Variants in KIF4A observed in about 807,000 individuals in gnomAD.
KIF4A encodes the protein kinesin family member 4A.
KIF4A carries 7 observed loss-of-function variants against 105.9 expected under a neutral mutation model. The observed-to-expected ratio is 0.07, with a 90% CI of 0.04 to 0.12. KIF4A has a LOEUF of 0.12. KIF4A is among the 10% of genes least tolerant of loss of function. The pLI, the probability that KIF4A is intolerant of heterozygous loss-of-function variation, is 1.00. For synonymous variants in KIF4A, 281 were observed against 331.3 expected (o/e 0.85, Z 1.65); for missense variants, 558 against 929.2 (o/e 0.60, Z 5.19).
At chrX:70,297,970 CATT>C (rs936722562) in intron 4 of KIF4A, among the ~76,000 whole-genome samples, 32 of 111,207 alleles carry the variant, frequency 2.9e-4, no homozygotes, top group African/African-American at 9.8e-4. Flanking sequence ...GGGATTACAT[CATT>C]AAGATTAGCC....
At chrX:70,387,653 C>T (rs1397274346) in intron 20 of KIF4A, among the ~76,000 whole-genome samples, 1 of 111,819 alleles carries the variant, frequency 8.9e-6, no homozygotes, top group Non-Finnish European at 1.9e-5. Context: ...AGATCACCTG[C>T]GGTCAGGAGT....
intron 20 of KIF4A, among the ~76,000 whole-genome samples, chrX:70,392,958 C>CTT (rs760042042): frequency 2.9e-4 from 26 of 90,576 alleles, no homozygotes; most frequent in Non-Finnish European, 5.8e-4. Context: ...CCTCCTGGAT[C>CTT]TTTTTTTTTT....
chrX:70,368,330 G>A (rs1262672827), intron 15 of KIF4A, among the ~76,000 whole-genome samples: 4 of 112,063 alleles, frequency 3.6e-5, no homozygotes, highest in Non-Finnish European at 3.8e-5. Flanking sequence ...TGCTCTGATT[G>A]TTAGAATTTT....
At chrX:70,370,042 A>G (rs921528203) in intron 15 of KIF4A, among the ~76,000 whole-genome samples, 2 of 111,440 alleles carry the variant, frequency 1.8e-5, no homozygotes, top group African/African-American at 3.3e-5. Flanking sequence ...GTACAGTCAT[A>G]TGATGTACAG....
At chrX:70,311,821 C>T (rs1158188283) in intron 7 of KIF4A, among the ~76,000 whole-genome samples, 2 of 108,955 alleles carry the variant, frequency 1.8e-5, no homozygotes, top group Non-Finnish European at 3.8e-5. Flanking sequence ...AATAAAATAG[C>T]CAGGTGTGGT....
At chrX:70,352,701 C>T (rs2086036048) in intron 14 of KIF4A, 45 bp downstream of exon 14, 3 of 890,924 alleles carry the variant, frequency 3.4e-6, no homozygotes, top group Admixed American at 2.4e-5. Context: ...CTCTAACTGC[C>T]GTTTCCTATA....
intron 15 of KIF4A, among the ~76,000 whole-genome samples, chrX:70,357,409 G>A (rs763600877): frequency 5.3e-5 from 6 of 112,154 alleles, no homozygotes; most frequent in South Asian, 3.7e-4. Context: ...GAAAACAACC[G>A]TTCTGGAATC....
intron 15 of KIF4A, among the ~76,000 whole-genome samples, chrX:70,363,387 C>T (rs939710122): frequency 9.0e-6 from 1 of 110,628 alleles, no homozygotes; most frequent in Non-Finnish European, 1.9e-5. Flanking sequence ...AATGCTATCC[C>T]TCCCCCGTCC....
At chrX:70,371,712 C>A (rs2086135580) in intron 15 of KIF4A, among the ~76,000 whole-genome samples, 1 of 109,347 alleles carries the variant, frequency 9.1e-6, no homozygotes, top group South Asian at 4.1e-4. Context: ...CTGACCCCCC[C>A]ACCTCCCTCC....
chrX:70,307,163 G>T (rs2085830695), intron 7 of KIF4A, among the ~76,000 whole-genome samples: 1 of 110,024 alleles, frequency 9.1e-6, no homozygotes, highest in African/African-American at 3.3e-5. Context: ...AATATTTTTT[G>T]ATAATTTTTT....
At chrX:70,398,624 C>T (rs2086269274) in intron 22 of KIF4A, among the ~76,000 whole-genome samples, 1 of 112,025 alleles carries the variant, frequency 8.9e-6, no homozygotes, top group African/African-American at 3.2e-5. Flanking sequence ...CCTCACTAAT[C>T]TTCCTTGTTC....
chrX:70,362,925 A>C (rs1486526053), intron 15 of KIF4A, among the ~76,000 whole-genome samples: 1 of 110,141 alleles, frequency 9.1e-6, no homozygotes, highest in Non-Finnish European at 1.9e-5. Context: ...TTTTAATTCA[A>C]TTATTTATTT....
At chrX:70,380,483 C>T (rs2086193321) in intron 18 of KIF4A, among the ~76,000 whole-genome samples, 1 of 112,004 alleles carries the variant, frequency 8.9e-6, no homozygotes, top group African/African-American at 3.2e-5. Flanking sequence ...ATCTAACACT[C>T]ATGATAAAAA....
chrX:70,393,799 C>CTCTTTCTTTCTTTCTTTCTT (rs1226256913), intron 20 of KIF4A, among the ~76,000 whole-genome samples: 1 of 58,560 alleles, frequency 1.7e-5, no homozygotes, highest in African/African-American at 7.5e-5. Context: ...CTTTTCTTTT[C>CTCTTTCTTTCTTTCTTTCTT]TCTTTCTTTC....
At chrX:70,418,859 C>A (rs1321083364) in intron 29 of KIF4A, among the ~76,000 whole-genome samples, 1 of 111,115 alleles carries the variant, frequency 9.0e-6, no homozygotes, top group African/African-American at 3.3e-5. Context: ...CCGAGGCGGG[C>A]GGATCACGAG....
rs374852915 is a variant in KIF4A, at chrX:70,395,843, A to G, written c.2388+17A>G. On this transcript the variant is annotated intron_variant, in intron 21 of 30. Transcript: ENST00000374403. ...AAACTCCGGGTAAGTACGCTTATGA[A>G]AAAATGTTGCCAATAATCAGACTCT... 2.9e-4 allele frequency: 347 copies of G among 1,208,155 alleles called. No homozygotes were observed. Among genetic ancestry groups the G allele is most frequent in the South Asian group, 4.4e-4 (25 of 56,629 alleles).
chrX:70,394,735 G>A (rs2086252801), intron 20 of KIF4A, among the ~76,000 whole-genome samples: 1 of 110,992 alleles, frequency 9.0e-6, no homozygotes, highest in Non-Finnish European at 1.9e-5. Context: ...CATGTATTTT[G>A]GTGCTTTGTT....
At chrX:70,302,808 C>T (rs1713754) in intron 7 of KIF4A, among the ~76,000 whole-genome samples, 1 of 111,669 alleles carries the variant, frequency 9.0e-6, no homozygotes, top group East Asian at 2.8e-4. Context: ...GATGAAATTC[C>T]TAAGGCTAGA....
At chrX:70,295,115 CAA>C (rs1168718418) in intron 3 of KIF4A, among the ~76,000 whole-genome samples, 1 of 111,801 alleles carries the variant, frequency 8.9e-6, no homozygotes, top group Non-Finnish European at 1.9e-5. Context: ...GATTATCTGA[CAA>C]GAGAAAATAT....
Sources: gnomAD v4.1 joint callset for allele counts (sites outside exome capture counted in the v4.1 genomes callset) on GRCh38, gnomAD v4.1.1 for gene constraint, MANE v1.5 for transcripts, NCBI Gene and HGNC (gene_info 2026-07-23, HGNC 2026-07-21) for gene names.